Variants in CNTNAP2 observed in about 807,000 individuals in gnomAD.
CNTNAP2 encodes the protein contactin associated protein 2.
In CNTNAP2, 98 loss-of-function variants were observed where a neutral mutation model predicts 155.2. The ratio of observed to expected loss-of-function variants is 0.63; its 90% CI spans 0.54 to 0.75. The LOEUF (loss-of-function observed/expected upper bound fraction) is 0.75, where lower values mean the gene tolerates loss of function less well. Among genes scored for constraint, CNTNAP2 ranks in the 30% least tolerant of loss-of-function variants. The pLI is 0.00. For missense variants in CNTNAP2, 1,727 were observed against 1,688.1 expected, an observed-to-expected ratio of 1.02 and a Z score of -0.40; for synonymous variants, 651 against 631.2, an observed-to-expected ratio of 1.03 and a Z score of -0.47.
At chr7:147,786,056 C>T (rs1291785700) in intron 13 of CNTNAP2, among the ~76,000 whole-genome samples, 6 of 151,974 alleles carry the variant, frequency 3.9e-5, no homozygotes, top group Admixed American at 3.9e-4. Context: ...CTTTGGAAGG[C>T]TGAGGCGGGT....
intron 8 of CNTNAP2, among the ~76,000 whole-genome samples, chr7:147,138,468 C>A (rs1226165042): frequency 6.6e-6 from 1 of 151,944 alleles, no homozygotes; most frequent in African/African-American, 2.4e-5. Context: ...GCATTTGAGT[C>A]AATGGTATGT....
chr7:147,669,409 T>C (rs1394635694), intron 13 of CNTNAP2, among the ~76,000 whole-genome samples: 3 of 152,230 alleles, frequency 2.0e-5, no homozygotes, highest in African/African-American at 7.2e-5. Context: ...AGGTCCCTAA[T>C]TAATTTTCTT....
intron 8 of CNTNAP2, among the ~76,000 whole-genome samples, chr7:147,159,554 A>C (rs1267563454): frequency 6.6e-6 from 1 of 152,134 alleles, no homozygotes; most frequent in Non-Finnish European, 1.5e-5. Flanking sequence ...CACAGATTAA[A>C]TGCATCAGTC....
Position 147,460,011 on chromosome 7 carries a change from C to T in CNTNAP2, c.1671-25924C>T, listed in dbSNP as rs56739300. On this transcript the variant is annotated intron_variant, in intron 10 of 23. Coordinates refer to ENST00000361727, the MANE Select transcript of CNTNAP2 (RefSeq NM_014141.6). ...CTGTCAGGGGATGGTGGGCTAGGGG[C>T]GGAATAGCATTAGGAGAAATACCTA... Among the ~76,000 whole-genome samples the T allele has an allele frequency of 4.7e-3, 717 of 151,886 alleles. 5 individuals carry two copies. Among genetic ancestry groups the T allele is most frequent in the African/African-American group, 0.016 (672 of 41,400 alleles).
At chr7:147,890,145 C>T (rs1799666476) in intron 13 of CNTNAP2, among the ~76,000 whole-genome samples, 1 of 152,156 alleles carries the variant, frequency 6.6e-6, no homozygotes, top group Non-Finnish European at 1.5e-5. Flanking sequence ...GTCAGGAATT[C>T]AAGACCAGCC....
At chr7:147,805,069 A>C (rs1277019852) in intron 13 of CNTNAP2, among the ~76,000 whole-genome samples, 2 of 149,472 alleles carry the variant, frequency 1.3e-5, no homozygotes, top group Non-Finnish European at 3.0e-5. Context: ...CAAATGATTC[A>C]ATATCATTTT....
chr7:147,165,104 G>A (rs141109261), intron 8 of CNTNAP2, among the ~76,000 whole-genome samples: 284 of 152,168 alleles, frequency 1.9e-3, no homozygotes, highest in African/African-American at 6.5e-3. Flanking sequence ...TATTTAAAAA[G>A]TACTGGTTAA....
At chr7:148,313,537 C>G (rs978323295) in intron 21 of CNTNAP2, among the ~76,000 whole-genome samples, 1 of 152,098 alleles carries the variant, frequency 6.6e-6, no homozygotes, top group Non-Finnish European at 1.5e-5. Flanking sequence ...GGAGAAGGTT[C>G]TGGAGGAATC....
Position 147,933,494 on chromosome 7 carries a change from GAGATAGATAGATAGATAGATAGATAGAT to G in CNTNAP2, c.2255+29795_2255+29822del, listed in dbSNP as rs71183037. On this transcript the variant is annotated intron_variant, in intron 14 of 23. Transcript: ENST00000361727. ...ATATATGAATGGATACAGAAAATGT[GAGATAGATAGATAGATAGATAGATAGAT>G]AGATAGATAGATAGATAGATATAAC... 3.3e-5 allele frequency among the ~76,000 whole-genome samples: 4 copies of G among 120,720 alleles called. No homozygotes were observed. The South Asian group carries it at 1.0e-3, about 31-fold the overall frequency. 79.2% of individuals were successfully genotyped at this position (120,720 alleles called of 152,430 possible). A position where few individuals can be genotyped will look rare whatever the true frequency, so the allele number is the denominator to read the frequency against.
chr7:146,509,701 T>G (rs1584956905), intron 1 of CNTNAP2, among the ~76,000 whole-genome samples: 1 of 152,078 alleles, frequency 6.6e-6, no homozygotes, highest in East Asian at 1.9e-4. Flanking sequence ...CACTCCAACC[T>G]GTGTACGTCG....
At chr7:148,056,907 C>A (rs1013388690) in intron 15 of CNTNAP2, among the ~76,000 whole-genome samples, 4 of 152,160 alleles carry the variant, frequency 2.6e-5, no homozygotes, top group Non-Finnish European at 4.4e-5. Flanking sequence ...AGTTTTGCAA[C>A]AACTTTTAGA....
At chr7:147,271,472 A>G (rs1804751869) in intron 8 of CNTNAP2, among the ~76,000 whole-genome samples, 4 of 152,208 alleles carry the variant, frequency 2.6e-5, no homozygotes, top group African/African-American at 7.2e-5. Context: ...TGCACTACAC[A>G]TTATCCCTAA....
chr7:148,227,631 A>G (rs2116775032), intron 19 of CNTNAP2, among the ~76,000 whole-genome samples: 1 of 152,292 alleles, frequency 6.6e-6, no homozygotes, highest in African/African-American at 2.4e-5. Flanking sequence ...CGAAGTGGAA[A>G]AGAGTGAGGG....
chr7:147,990,670 C>A (rs182654222), intron 15 of CNTNAP2, among the ~76,000 whole-genome samples: 1 of 149,810 alleles, frequency 6.7e-6, no homozygotes, highest in South Asian at 2.1e-4. Flanking sequence ...TGGACTTAGG[C>A]GATTTTTTTA....
chr7:146,550,401 GTTTTTTTTTTTTTTTTT>G (rs10673467), intron 1 of CNTNAP2, among the ~76,000 whole-genome samples: 1 of 54,382 alleles, frequency 1.8e-5, no homozygotes, highest in East Asian at 5.9e-4. Context: ...CCATTAATCT[GTTTTTTTTTTTTTTTTT>G]TTTTTTTTTT....
At chr7:147,440,491 A>G (rs953893889) in intron 10 of CNTNAP2, among the ~76,000 whole-genome samples, 4 of 152,118 alleles carry the variant, frequency 2.6e-5, no homozygotes, top group African/African-American at 9.7e-5. Context: ...TCTAGTTAAG[A>G]TAAAAGTAGT....
At chr7:148,155,088 C>G (rs951400279) in intron 17 of CNTNAP2, among the ~76,000 whole-genome samples, 2 of 152,192 alleles carry the variant, frequency 1.3e-5, no homozygotes, top group African/African-American at 4.8e-5. Flanking sequence ...GCTTCCCATG[C>G]TTCCCCTCAA....
chr7:146,249,054 G>A (rs1799714126), intron 1 of CNTNAP2, among the ~76,000 whole-genome samples: 1 of 152,080 alleles, frequency 6.6e-6, no homozygotes, highest in Non-Finnish European at 1.5e-5. Context: ...GAGCCAGGAT[G>A]AGCCAGGAGA....
At chr7:147,864,608 C>A (rs1013411443) in intron 13 of CNTNAP2, among the ~76,000 whole-genome samples, 1 of 152,058 alleles carries the variant, frequency 6.6e-6, no homozygotes, top group Non-Finnish European at 1.5e-5. Flanking sequence ...TTTCATTGAG[C>A]AGTGTTTTGT....
Sources: allele counts gnomAD v4.1 joint callset (sites outside exome capture counted in the v4.1 genomes callset), GRCh38; gene constraint gnomAD v4.1.1; transcripts MANE v1.5; gene names NCBI Gene and HGNC (gene_info 2026-07-23, HGNC 2026-07-21).